Variants in CDH12 observed in about 807,000 individuals in gnomAD.
The protein encoded by CDH12 is cadherin 12.
CDH12 carries 41 observed loss-of-function variants against 74.1 expected under a neutral mutation model. That is an observed-to-expected ratio of 0.55 (90% CI 0.43 to 0.72). The LOEUF (loss-of-function observed/expected upper bound fraction) is 0.72, where lower values mean the gene tolerates loss of function less well. Among genes scored for constraint, CDH12 ranks in the 30% least tolerant of loss-of-function variants. CDH12 has a pLI of 0.00. For synonymous variants in CDH12, 399 were observed against 355.0 expected (o/e 1.12, Z -1.39); for missense variants, 945 against 977.2 (o/e 0.97, Z 0.44).
chr5:21,777,897 A>G (rs1561176057), intron 11 of CDH12, among the ~76,000 whole-genome samples: 1 of 152,196 alleles, frequency 6.6e-6, no homozygotes, highest in Non-Finnish European at 1.5e-5. Flanking sequence ...AGAATGAGTA[A>G]ATCTAGCTAA....
intron 3 of CDH12, among the ~76,000 whole-genome samples, chr5:22,362,171 A>C (rs1740833084): frequency 6.6e-6 from 1 of 152,210 alleles, no homozygotes; most frequent in Non-Finnish European, 1.5e-5. Context: ...AAATTTTTGC[A>C]ATCTACTCAT....
intron 2 of CDH12, among the ~76,000 whole-genome samples, chr5:22,444,671 T>C (rs190153049): frequency 5.3e-5 from 8 of 152,048 alleles, no homozygotes; most frequent in Non-Finnish European, 8.8e-5. Flanking sequence ...CAAAGCCCCA[T>C]TTACTGCAGT....
At chr5:22,324,354 C>A (rs1348203032) in intron 3 of CDH12, among the ~76,000 whole-genome samples, 1 of 151,906 alleles carries the variant, frequency 6.6e-6, no homozygotes, top group Non-Finnish European at 1.5e-5. Flanking sequence ...TGAGAAAAAG[C>A]TACCTAGCTT....
chr5:22,257,666 A>AT, intron 3 of CDH12, among the ~76,000 whole-genome samples: 1 of 151,796 alleles, frequency 6.6e-6, no homozygotes, highest in African/African-American at 2.4e-5. Context: ...TGCCTGGCTA[A>AT]TTTTTTGTAT....
chr5:22,833,359 A>C (rs894203538), intron 1 of CDH12, among the ~76,000 whole-genome samples: 3 of 152,212 alleles, frequency 2.0e-5, no homozygotes, highest in African/African-American at 7.2e-5. Flanking sequence ...GTTGAGATTC[A>C]GTGAAGATGC....
In CDH12 at chr5:21,993,871, G is replaced by T. The variant is rs531144616; in HGVS notation, c.232-18486C>A. ...TAGAATACTAGTACAGATAAATACT[G>T]AAATCTAATATTTGCATTACTTCAT... On this transcript the variant is annotated intron_variant, in intron 5 of 14. Transcript: ENST00000382254. Among the ~76,000 whole-genome samples the T allele has an allele frequency of 1.4e-3, 216 of 152,186 alleles. 1 individual carries two copies. Among genetic ancestry groups the T allele is most frequent in the Non-Finnish European group, 2.4e-3 (162 of 68,022 alleles).
At chr5:21,894,783 T>G (rs904363817) in intron 6 of CDH12, among the ~76,000 whole-genome samples, 1 of 152,136 alleles carries the variant, frequency 6.6e-6, no homozygotes, top group Non-Finnish European at 1.5e-5. Context: ...GGGGTAACCC[T>G]TGGCAACACG....
chr5:22,233,938 C>T (rs1043678716), intron 3 of CDH12, among the ~76,000 whole-genome samples: 5 of 152,024 alleles, frequency 3.3e-5, no homozygotes, highest in African/African-American at 1.2e-4. Context: ...CCCAATAGTG[C>T]AATTTATTAT....
intron 4 of CDH12, among the ~76,000 whole-genome samples, chr5:22,119,284 CGTT>C (rs1745361608): frequency 8.4e-6 from 1 of 118,712 alleles, no homozygotes; most frequent in South Asian, 2.8e-4. Flanking sequence ...TCTTCTACTT[CGTT>C]TTTTTTTTTT....
intron 3 of CDH12, among the ~76,000 whole-genome samples, chr5:22,228,357 G>T (rs1311105676): frequency 6.6e-6 from 1 of 152,174 alleles, no homozygotes; most frequent in Non-Finnish European, 1.5e-5. Flanking sequence ...TCAGACCATG[G>T]TGTGTGTATA....
intron 1 of CDH12, among the ~76,000 whole-genome samples, chr5:22,604,755 T>C (rs1737014025): frequency 6.6e-6 from 1 of 152,208 alleles, no homozygotes; most frequent in South Asian, 2.1e-4. Context: ...ACTGTTGTGC[T>C]CACCCACCTG....
chr5:21,881,139 G>GA lies in CDH12; in HGVS notation c.527-26350dup, dbSNP rs201398781. Among the ~76,000 whole-genome samples the GA allele has an allele frequency of 7.3e-3, 1,103 of 151,410 alleles. 11 individuals carry two copies. Among genetic ancestry groups the GA allele is most frequent in the African/African-American group, 0.021 (884 of 41,340 alleles). ...ATAAAAATGAATGAAAAAGAAAAAT[G>GA]AAAAAAAACTGCTGAAATGTAGTAT... is the stretch of plus-strand genomic sequence containing the variant. On this transcript the variant is annotated intron_variant, in intron 6 of 14. Transcript: ENST00000382254.
At chr5:22,418,616 G>A (rs547997118) in intron 2 of CDH12, among the ~76,000 whole-genome samples, 12 of 152,208 alleles carry the variant, frequency 7.9e-5, no homozygotes, top group African/African-American at 2.6e-4. Flanking sequence ...CGGCACGGTA[G>A]CTCGCGCCTG....
chr5:22,800,947 T>C (rs1748478781), intron 1 of CDH12, among the ~76,000 whole-genome samples: 6 of 152,156 alleles, frequency 3.9e-5, no homozygotes. Context: ...ATTCATCCAC[T>C]GAAGGATGTC....
chr5:22,430,192 C>G (rs565947210), intron 2 of CDH12, among the ~76,000 whole-genome samples: 39 of 152,262 alleles, frequency 2.6e-4, no homozygotes, highest in African/African-American at 8.9e-4. Flanking sequence ...TTAGTGTACT[C>G]TTTGCATGCT....
chr5:22,315,476 C>T (rs1316787193), intron 3 of CDH12, among the ~76,000 whole-genome samples: 3 of 151,878 alleles, frequency 2.0e-5, no homozygotes, highest in African/African-American at 7.3e-5. Context: ...AGTGAAGAAA[C>T]ATAGTATTAC....
Position 21,752,136 on chromosome 5 carries a change from A to G in CDH12, c.1986T>C (p.Asp662=). The G allele has an allele frequency of 6.2e-7, 1 of 1,613,970 alleles. No homozygotes were observed. Among genetic ancestry groups the G allele is most frequent in the Non-Finnish European group, 8.5e-7 (1 of 1,179,958 alleles). ...GGGTATCTTCCTCCCCACCTCCTTC[A>G]TCATCGTAATGGATGACGTTGTCTC... The part of the protein sequence containing the change: ...DIRDNVIHYD[D]EGGGEEDTQA... Residue 662 remains aspartate (D), a synonymous_variant, in exon 15 of 15, where the codon GAT becomes GAC. Transcript: ENST00000382254.
At chr5:22,573,623 T>A (rs1188186725) in intron 1 of CDH12, among the ~76,000 whole-genome samples, 1 of 152,174 alleles carries the variant, frequency 6.6e-6, no homozygotes, top group African/African-American at 2.4e-5. Flanking sequence ...TTCAGGTCCA[T>A]TTTAGTGGTA....
chr5:22,479,057 G>C (rs1461403048), intron 2 of CDH12, among the ~76,000 whole-genome samples: 1 of 152,146 alleles, frequency 6.6e-6, no homozygotes, highest in Non-Finnish European at 1.5e-5. Flanking sequence ...ACATGCAAAA[G>C]AAAAGCAACG....
Sources: allele counts gnomAD v4.1 joint callset (sites outside exome capture counted in the v4.1 genomes callset), GRCh38; gene constraint gnomAD v4.1.1; transcripts MANE v1.5; gene names NCBI Gene and HGNC (gene_info 2026-07-23, HGNC 2026-07-21).